Variants in LCLAT1 observed in about 807,000 individuals in gnomAD.
LCLAT1 encodes the protein lysocardiolipin acyltransferase 1, also known as 1-AGP acyltransferase 8.
Under a neutral mutation model 30.7 loss-of-function variants are expected in LCLAT1, and 11 were observed. The ratio of observed to expected loss-of-function variants is 0.36; its 90% CI spans 0.23 to 0.59. LCLAT1 has a LOEUF of 0.59. Ranked by LOEUF, LCLAT1 falls within the 20% of genes least tolerant of loss-of-function variation. The pLI is 0.77. For missense variants in LCLAT1, 402 were observed against 458.6 expected (o/e 0.88, Z 1.13); for synonymous variants, 155 against 151.3 (o/e 1.02, Z -0.18).
chr2:30,476,449 A>T (rs1057442884), intron 1 of LCLAT1: 2 of 456,510 alleles, frequency 4.4e-6, no homozygotes, highest in Non-Finnish European at 8.8e-6. Context: ...CTCTGCTCAG[A>T]TCCGCCACTG....
At chr2:30,533,358 A>G (rs1426536683) in intron 3 of LCLAT1, 44 bp downstream of exon 3, 9 of 1,494,566 alleles carry the variant, frequency 6.0e-6, no homozygotes, top group African/African-American at 2.8e-5. Flanking sequence ...TTCATTTTAG[A>G]TGTAATGCAC....
intron 3 of LCLAT1, among the ~76,000 whole-genome samples, chr2:30,545,091 GA>G (rs1664336852): frequency 6.6e-6 from 1 of 152,022 alleles, no homozygotes; most frequent in Non-Finnish European, 1.5e-5. Flanking sequence ...TTGGACTGGA[GA>G]AAAAAAGATT....
chr2:30,489,241 G>A (rs1683711806), intron 1 of LCLAT1: 1 of 152,240 alleles, frequency 6.6e-6, no homozygotes, highest in African/African-American at 2.4e-5. Flanking sequence ...TTCTCAAGAT[G>A]TGAGTACAAT....
At chr2:30,623,570 G>C (rs549741174) in intron 5 of LCLAT1, among the ~76,000 whole-genome samples, 5 of 151,772 alleles carry the variant, frequency 3.3e-5, no homozygotes, top group African/African-American at 1.2e-4. Flanking sequence ...AAAGGAAAAA[G>C]AATGGGGGAA....
At chr2:30,583,272 T>C (rs1275834199) in intron 5 of LCLAT1, among the ~76,000 whole-genome samples, 1 of 152,208 alleles carries the variant, frequency 6.6e-6, no homozygotes, top group Non-Finnish European at 1.5e-5. Flanking sequence ...TCTTTTGCTA[T>C]CTTGGGAATA....
At chr2:30,458,254 A>G (rs914046769) in intron 1 of LCLAT1, among the ~76,000 whole-genome samples, 11 of 152,250 alleles carry the variant, frequency 7.2e-5, no homozygotes, top group African/African-American at 2.4e-4. Flanking sequence ...TGGTAATTCA[A>G]TTCAGTAAAC....
intron 5 of LCLAT1, among the ~76,000 whole-genome samples, chr2:30,619,771 T>C (rs2148514958): frequency 6.6e-6 from 1 of 152,284 alleles, no homozygotes; most frequent in East Asian, 1.9e-4. Flanking sequence ...GCAGAGCTTA[T>C]CTTTGCCTTC....
chr2:30,547,068 C>A (rs1664458612), intron 3 of LCLAT1, among the ~76,000 whole-genome samples: 1 of 152,142 alleles, frequency 6.6e-6, no homozygotes, highest in African/African-American at 2.4e-5. Flanking sequence ...TTAGTGCAAT[C>A]ATAGGCATTA....
intron 2 of LCLAT1, 93 bp downstream of exon 2, chr2:30,525,848 A>G (rs1685692681): frequency 1.8e-6 from 2 of 1,087,280 alleles, no homozygotes; most frequent in African/African-American, 1.6e-5. Context: ...AAGTCCCTAC[A>G]GTATTTGCAC....
chr2:30,504,826 A>G (rs1438647282), intron 1 of LCLAT1, among the ~76,000 whole-genome samples: 1 of 152,186 alleles, frequency 6.6e-6, no homozygotes, highest in Non-Finnish European at 1.5e-5. Context: ...GTCCCATCCC[A>G]TAGAGGCAAC....
intron 3 of LCLAT1, among the ~76,000 whole-genome samples, chr2:30,558,530 G>A (rs547436616): frequency 3.4e-5 from 5 of 148,208 alleles, no homozygotes; most frequent in African/African-American, 5.0e-5. Flanking sequence ...CCCAGGAGAC[G>A]GAGGTTGCAG....
rs74566276 is a variant in LCLAT1 at position 30,515,676 on chromosome 2, T to C, written c.-4-9911T>C. On this transcript the variant is annotated intron_variant, in intron 1 of 5. Transcript: ENST00000379509. ...TCTGTTATTTGTCAATAAAATGTTATATGCCCTTTTAAAACTGCACTTAGT... is the reference window on the plus strand; with the variant it reads ...TCTGTTATTTGTCAATAAAATGTTACATGCCCTTTTAAAACTGCACTTAGT... Among the ~76,000 whole-genome samples, 1,505 of 152,352 alleles carry C rather than the reference T, an allele frequency of 9.9e-3. 21 individuals are homozygous for C. The highest frequency in any genetic ancestry group is 0.034 in the African/African-American group (1,405 of 41,580).
intron 5 of LCLAT1, among the ~76,000 whole-genome samples, chr2:30,579,099 G>T (rs991914927): frequency 2.0e-5 from 3 of 152,064 alleles, no homozygotes; most frequent in Non-Finnish European, 4.4e-5. Flanking sequence ...GTAATTCAAG[G>T]AGACAGTAGC....
intron 1 of LCLAT1, among the ~76,000 whole-genome samples, chr2:30,462,624 A>G (rs1227974640): frequency 6.6e-6 from 1 of 152,252 alleles, no homozygotes; most frequent in Non-Finnish European, 1.5e-5. Flanking sequence ...TGAAAGTTGC[A>G]GCATAGTCTT....
At chr2:30,612,211 G>T (rs1168097903) in intron 5 of LCLAT1, among the ~76,000 whole-genome samples, 2 of 152,130 alleles carry the variant, frequency 1.3e-5, no homozygotes, top group Non-Finnish European at 2.9e-5. Context: ...AATGAAGCAA[G>T]CACAGGGGAT....
At chr2:30,538,524 C>T (rs1663922512) in intron 3 of LCLAT1, among the ~76,000 whole-genome samples, 1 of 151,696 alleles carries the variant, frequency 6.6e-6, no homozygotes, top group African/African-American at 2.4e-5. Flanking sequence ...AATCCCAGCT[C>T]CTTGGGAGGC....
In LCLAT1 at chr2:30,625,590, A is replaced by G. The variant is rs527378437; in HGVS notation, c.629-14527A>G. On this transcript the variant is annotated intron_variant, in intron 5 of 5. Transcript: ENST00000379509. ...AAGAAATTGTAGTAAACTCTGTTAT[A>G]TGCAAAATCACACAGAAAGATGGTA... Among the ~76,000 whole-genome samples the G allele has an allele frequency of 5.1e-4, 77 of 152,228 alleles. 1 individual carries two copies. Among genetic ancestry groups the G allele is most frequent in the Non-Finnish European group, 7.8e-4 (53 of 68,038 alleles).
chr2:30,508,196 C>T (rs1000362151), intron 1 of LCLAT1, among the ~76,000 whole-genome samples: 2 of 151,988 alleles, frequency 1.3e-5, no homozygotes, highest in Admixed American at 6.6e-5. Flanking sequence ...TTGTTAGATG[C>T]ATAGTTTGAA....
chr2:30,595,138 G>C (rs1666870780), intron 5 of LCLAT1, among the ~76,000 whole-genome samples: 1 of 151,774 alleles, frequency 6.6e-6, no homozygotes, highest in South Asian at 2.1e-4. Context: ...GTGTTGTCTG[G>C]TTCATACCCA....
Sources: gnomAD v4.1 joint callset for allele counts (sites outside exome capture counted in the v4.1 genomes callset) on GRCh38, gnomAD v4.1.1 for gene constraint, MANE v1.5 for transcripts, NCBI Gene and HGNC (gene_info 2026-07-23, HGNC 2026-07-21) for gene names.